TGFBR3: variants seen among roughly 807,000 people sequenced by gnomAD.
TGFBR3 encodes transforming growth factor beta receptor 3.
A neutral mutation model predicts 87.9 loss-of-function variants in TGFBR3; 46 were observed. The ratio of observed to expected loss-of-function variants is 0.52; its 90% confidence interval spans 0.41 to 0.67. The LOEUF (loss-of-function observed/expected upper bound fraction) is 0.67, where lower values mean the gene tolerates loss of function less well. Among genes scored for constraint, TGFBR3 ranks in the 30% least tolerant of loss-of-function variants. The probability of loss-of-function intolerance (pLI) is 0.00; values close to 1 mark genes in which losing one functional copy is unlikely to be tolerated. For missense variants in TGFBR3, 866 were observed against 1,041.9 expected (o/e 0.83, Z 2.32); for synonymous variants, 381 against 391.6 (o/e 0.97, Z 0.32).
At position 91,716,604 on chromosome 1, in the gene TGFBR3, T is replaced by G. The variant is rs1672183155; in HGVS notation, c.1671A>C (p.Gly557=). The change falls in exon 11 of 17, where the codon GGA becomes GGC. Residue 557 remains glycine (G), a synonymous_variant. Coordinates refer to ENST00000212355, the MANE Select transcript of TGFBR3 (RefSeq NM_003243.5). ...DNGFPGDMDE[G]DASLFTRPEI... ...CAGGTCGGGTGAACAGGGAAGCATC[T>G]CCTTCATCCATATCTCCCGGAAATC... The G allele has an allele frequency of 5.6e-6, 9 of 1,613,962 alleles. No homozygotes were observed. The highest frequency in any genetic ancestry group is 7.6e-6 in the Non-Finnish European group (9 of 1,180,024).
At chr1:91,862,471 G>T (rs995643008) in intron 1 of TGFBR3, among the ~76,000 whole-genome samples, 2 of 152,184 alleles carry the variant, frequency 1.3e-5, no homozygotes, top group African/African-American at 4.8e-5. Context: ...CAGGAAAAAA[G>T]TCTTCCCTGT....
At chr1:91,883,778 C>CA (rs534135346) in intron 1 of TGFBR3, among the ~76,000 whole-genome samples, 9,216 of 115,750 alleles carry the variant, frequency 0.08, 343 homozygotes, top group Non-Finnish European at 0.12. Context: ...ACTGAAGGGC[C>CA]AAAAAAAAAA....
At chr1:91,796,322 T>C (rs923615562) in intron 3 of TGFBR3, among the ~76,000 whole-genome samples, 2 of 152,236 alleles carry the variant, frequency 1.3e-5, no homozygotes, top group Non-Finnish European at 2.9e-5. Context: ...ATAAGTTTTC[T>C]GCACCTGTTT....
chr1:91,710,964 G>A (rs1453505148), intron 13 of TGFBR3, among the ~76,000 whole-genome samples: 2 of 152,090 alleles, frequency 1.3e-5, no homozygotes, highest in Admixed American at 6.5e-5. Context: ...CATGAAGCTG[G>A]GCTGTTCCAG....
At chr1:91,831,558 A>C (rs186228163) in intron 2 of TGFBR3, among the ~76,000 whole-genome samples, 35 of 152,376 alleles carry the variant, frequency 2.3e-4, no homozygotes, top group African/African-American at 7.7e-4. Context: ...ACTCAAAGGT[A>C]AACCTGCAGA....
intron 1 of TGFBR3, among the ~76,000 whole-genome samples, chr1:91,862,956 C>A (rs1181405622): frequency 6.6e-6 from 1 of 151,788 alleles, no homozygotes; most frequent in African/African-American, 2.4e-5. Flanking sequence ...GATAACAGTA[C>A]AAAAAAAATT....
At chr1:91,701,314 CT>C (rs1371873763) in intron 14 of TGFBR3, among the ~76,000 whole-genome samples, 1 of 152,018 alleles carries the variant, frequency 6.6e-6, no homozygotes, top group Non-Finnish European at 1.5e-5. Flanking sequence ...TATCCTCGAA[CT>C]TTTCTCTTCC....
intron 2 of TGFBR3, among the ~76,000 whole-genome samples, chr1:91,836,524 A>T (rs1677074976): frequency 6.6e-6 from 1 of 152,140 alleles, no homozygotes; most frequent in Non-Finnish European, 1.5e-5. Context: ...CTATGCTCTA[A>T]AACGCTGCGC....
chr1:91,769,226 T>C (rs1674290523), intron 3 of TGFBR3, among the ~76,000 whole-genome samples: 1 of 152,208 alleles, frequency 6.6e-6, no homozygotes, highest in African/African-American at 2.4e-5. Context: ...CTCTAAGTGT[T>C]AGCTATTATT....
chr1:91,694,506 A>T (rs1671366754), intron 16 of TGFBR3, among the ~76,000 whole-genome samples: 1 of 152,242 alleles, frequency 6.6e-6, no homozygotes, highest in Non-Finnish European at 1.5e-5. Flanking sequence ...TCTGATTTGA[A>T]TCTGACACTT....
At chr1:91,710,487 G>A (rs12567680) in intron 13 of TGFBR3, among the ~76,000 whole-genome samples, 50,338 of 151,934 alleles carry the variant, frequency 0.33, 8,559 homozygotes, top group East Asian at 0.43. Flanking sequence ...TCTGCTCTCC[G>A]GGTCTCGGTT....
chr1:91,755,357 G>A (rs1031669315), intron 4 of TGFBR3, among the ~76,000 whole-genome samples: 1 of 152,082 alleles, frequency 6.6e-6, no homozygotes, highest in African/African-American at 2.4e-5. Flanking sequence ...GCAAGGACTT[G>A]CATCACTCGT....
At chr1:91,758,495 C>G in intron 4 of TGFBR3, 118 bp downstream of exon 4, 2 of 1,238,602 alleles carry the variant, frequency 1.6e-6, no homozygotes, top group African/African-American at 1.5e-5. Flanking sequence ...AAATTTAACA[C>G]TCTTTGGACT....
chr1:91,726,791 A>C (rs1476419964), intron 7 of TGFBR3, among the ~76,000 whole-genome samples: 1 of 6,926 alleles, frequency 1.4e-4, no homozygotes, highest in Non-Finnish European at 2.5e-4. Context: ...GAGATTGGCC[A>C]AAAAAAAAAA....
At chr1:91,781,026 C>T (rs756243945) in intron 3 of TGFBR3, among the ~76,000 whole-genome samples, 13 of 152,194 alleles carry the variant, frequency 8.5e-5, no homozygotes, top group Admixed American at 4.6e-4. Context: ...TCACAAGGCA[C>T]ACAACAAGGA....
chr1:91,812,706 G>A (rs183454884), intron 2 of TGFBR3, among the ~76,000 whole-genome samples: 144 of 152,178 alleles, frequency 9.5e-4, no homozygotes, highest in South Asian at 4.4e-3. Context: ...TCCGCCTCCC[G>A]GGTTCAAGCA....
At chr1:91,865,185 A>G (rs535510845) in intron 1 of TGFBR3, among the ~76,000 whole-genome samples, 6 of 145,182 alleles carry the variant, frequency 4.1e-5, no homozygotes, top group South Asian at 2.3e-4. Context: ...CCTGGACAAC[A>G]GAGTGAGACT....
At chr1:91,777,165 T>C (rs1268166165) in intron 3 of TGFBR3, among the ~76,000 whole-genome samples, 1 of 152,182 alleles carries the variant, frequency 6.6e-6, no homozygotes, top group African/African-American at 2.4e-5. Context: ...GATTGTGAGG[T>C]AAAGCTAGAG....
At chr1:91,706,275 GAGA>G (rs1045553262) in intron 14 of TGFBR3, among the ~76,000 whole-genome samples, 26 of 152,178 alleles carry the variant, frequency 1.7e-4, no homozygotes, top group African/African-American at 2.4e-5. Context: ...CAGGATGGGA[GAGA>G]AGGTCACAAG....
Sources: allele counts gnomAD v4.1 joint callset (sites outside exome capture counted in the v4.1 genomes callset), GRCh38; gene constraint gnomAD v4.1.1; transcripts MANE v1.5; gene names NCBI Gene and HGNC (gene_info 2026-07-23, HGNC 2026-07-21).